Variants in DMD observed in about 807,000 individuals in gnomAD.
DMD encodes the protein dystrophin, also known as mutant dystrophin.
Under a neutral mutation model 330.1 loss-of-function variants are expected in DMD, and 63 were observed. That is an observed-to-expected ratio of 0.19 (90% CI 0.16 to 0.24). The LOEUF (loss-of-function observed/expected upper bound fraction) is 0.24. DMD is among the 10% of genes least tolerant of loss of function. DMD has a pLI of 1.00. For synonymous variants in DMD, 1,223 were observed against 959.8 expected (o/e 1.27, Z -5.07); for missense variants, 3,344 against 2,684.1 (o/e 1.25, Z -5.43).
In DMD at chrX:31,658,130, G is replaced by C. The variant is rs1388762712; in HGVS notation, c.7887C>G (p.Asp2629Glu). ...KITETKQLAK[D>E]LRQWQTNVDV... ...CTACATTTGTCTGCCACTGGCGGAG[G>C]TCTTTGGCCAACTGCTATAGATTTT... is the stretch of plus-strand genomic sequence containing the variant. Residue 2629 changes from aspartate (D) to glutamate (E), a missense_variant, in exon 54 of 79, where the codon GAC becomes GAG. Coordinates refer to ENST00000357033, the MANE Select transcript of DMD (RefSeq NM_004006.3). The C allele has an allele frequency of 8.3e-7, 1 of 1,211,558 alleles. No homozygotes were observed. Among genetic ancestry groups the C allele is most frequent in the African/African-American group, 1.7e-5 (1 of 57,786 alleles).
At chrX:32,965,035 T>A (rs2092087741) in intron 2 of DMD, among the ~76,000 whole-genome samples, 1 of 109,722 alleles carries the variant, frequency 9.1e-6, no homozygotes, top group Non-Finnish European at 1.9e-5. Flanking sequence ...TCAACAAACC[T>A]AGACAAAAGG....
chrX:32,720,668 T>C (rs770328027), intron 7 of DMD, among the ~76,000 whole-genome samples: 37 of 111,897 alleles, frequency 3.3e-4, no homozygotes, highest in Middle Eastern at 9.2e-3. Flanking sequence ...AGATAAATAT[T>C]AGAAAGGGTT....
chrX:32,430,553 T>G (rs1196645679), intron 29 of DMD, among the ~76,000 whole-genome samples: 1 of 111,972 alleles, frequency 8.9e-6, no homozygotes, highest in East Asian at 2.8e-4. Flanking sequence ...CTAATATTAT[T>G]ATTATTCTGT....
intron 60 of DMD, among the ~76,000 whole-genome samples, chrX:31,416,789 C>T (rs1232147009): frequency 1.8e-5 from 2 of 111,963 alleles, no homozygotes; most frequent in African/African-American, 6.5e-5. Flanking sequence ...TTGCACGTGA[C>T]CTAAATTCAC....
chrX:32,141,724 C>CACACACAT (rs564694131), intron 44 of DMD, among the ~76,000 whole-genome samples: 76 of 103,368 alleles, frequency 7.4e-4, no homozygotes, highest in Middle Eastern at 4.9e-3. Context: ...CACACACACA[C>CACACACAT]GATCTTGCAT....
At chrX:32,654,354 G>C (rs1422359888) in intron 9 of DMD, among the ~76,000 whole-genome samples, 1 of 111,544 alleles carries the variant, frequency 9.0e-6, no homozygotes, top group African/African-American at 3.3e-5. Flanking sequence ...AGAGTTTTTA[G>C]CATGAAGGTT....
intron 11 of DMD, 85 bp downstream of exon 11, chrX:32,644,047 T>A: frequency 1.2e-6 from 1 of 837,507 alleles, no homozygotes; most frequent in Non-Finnish European, 1.7e-6. Context: ...CTGAGAATCG[T>A]AACTTAACCA....
intron 47 of DMD, among the ~76,000 whole-genome samples, chrX:31,909,403 A>C (rs1179151928): frequency 9.0e-6 from 1 of 111,097 alleles, no homozygotes; most frequent in Non-Finnish European, 1.9e-5. Flanking sequence ...GATTTTCATC[A>C]AAAGTAAGTT....
chrX:32,046,222 A>G (rs2096063544), intron 44 of DMD, among the ~76,000 whole-genome samples: 1 of 112,481 alleles, frequency 8.9e-6, no homozygotes, highest in Non-Finnish European at 1.9e-5. Flanking sequence ...GCTATGTTAT[A>G]GTTGTCCACA....
At chrX:32,228,015 C>G (rs990082470) in intron 43 of DMD, among the ~76,000 whole-genome samples, 7 of 111,220 alleles carry the variant, frequency 6.3e-5, no homozygotes, top group African/African-American at 2.3e-4. Flanking sequence ...AGTATACACA[C>G]ATATCAGAAA....
Position 32,656,271 on chromosome X carries a change from GGTGAGCTATCC to G in DMD, c.961-11130_961-11120del, listed in dbSNP as rs1275509716. ...AAGGTCGTGATACACACATGAAGCTGGTGAGCTATCCTCAACCGTGACTACGAAGACAGCGT... is the reference window on the plus strand; with the variant it reads ...AAGGTCGTGATACACACATGAAGCTGTCAACCGTGACTACGAAGACAGCGT... On this transcript the variant is annotated intron_variant, in intron 9 of 78. Transcript: ENST00000357033. 8.9e-5 allele frequency among the ~76,000 whole-genome samples: 10 copies of G among 111,778 alleles called. No homozygotes were observed. The South Asian group carries it at 1.1e-3, about 13-fold the overall frequency.
chrX:33,212,578 T>C (rs914784109), upstream of DMD, among the ~76,000 whole-genome samples: 10 of 112,155 alleles, frequency 8.9e-5, no homozygotes, highest in Non-Finnish European at 1.7e-4. Flanking sequence ...CTCATTTTTC[T>C]ATGTCAAACA....
intron 55 of DMD, among the ~76,000 whole-genome samples, chrX:31,570,630 A>T (rs1182180314): frequency 8.9e-6 from 1 of 111,775 alleles, no homozygotes. Context: ...TCTTTTGTCA[A>T]TTCATAAACT....
At chrX:31,812,537 T>C (rs1420939317) in intron 50 of DMD, among the ~76,000 whole-genome samples, 1 of 109,917 alleles carries the variant, frequency 9.1e-6, no homozygotes, top group Non-Finnish European at 1.9e-5. Flanking sequence ...CTGCACATTG[T>C]GCACATGTAC....
chrX:31,349,553 C>A (rs1049085285), intron 60 of DMD, among the ~76,000 whole-genome samples: 11 of 111,874 alleles, frequency 9.8e-5, no homozygotes, highest in Admixed American at 8.5e-4. Context: ...AAGAAATATA[C>A]CTTTAGGGGG....
chrX:32,554,386 G>GA lies in DMD; in HGVS notation c.1993-9053dup, dbSNP rs1478177230. ...GACTTCTAGTTAGACTAATAAGGAAGAAAAGAGAGAAGAATCAAATAAACA... is the reference window on the plus strand; with the variant it reads ...GACTTCTAGTTAGACTAATAAGGAAGAAAAAGAGAGAAGAATCAAATAAACA... On this transcript the variant is annotated intron_variant, in intron 16 of 78. Transcript: ENST00000357033. Among the ~76,000 whole-genome samples, 7 of 110,906 alleles carry GA rather than the reference G, an allele frequency of 6.3e-5. No homozygotes were observed. The East Asian group carries it at 2.0e-3, about 32-fold the overall frequency.
intron 7 of DMD, among the ~76,000 whole-genome samples, chrX:32,723,833 G>C (rs868674228): frequency 1.8e-5 from 2 of 108,667 alleles, no homozygotes; most frequent in Non-Finnish European, 3.8e-5. Context: ...ATTATCTTAG[G>C]CCACACCTAA....
At chrX:31,321,412 T>C (rs779379483) in intron 62 of DMD, among the ~76,000 whole-genome samples, 15 of 107,628 alleles carry the variant, frequency 1.4e-4, no homozygotes, top group Non-Finnish European at 2.5e-4. Context: ...TGGTGAAACC[T>C]CGTCTCTACT....
intron 11 of DMD, among the ~76,000 whole-genome samples, chrX:32,643,212 T>C (rs924401949): frequency 9.0e-6 from 1 of 111,416 alleles, no homozygotes; most frequent in African/African-American, 3.3e-5. Context: ...CTATCTTACA[T>C]GTACCTTATT....
Sources: gnomAD v4.1 joint callset for allele counts (sites outside exome capture counted in the v4.1 genomes callset) on GRCh38, gnomAD v4.1.1 for gene constraint, MANE v1.5 for transcripts, NCBI Gene and HGNC (gene_info 2026-07-23, HGNC 2026-07-21) for gene names.